Variants in SPOCK3 observed in about 807,000 individuals in gnomAD.
SPOCK3 encodes testican-3.
A neutral mutation model predicts 56.6 loss-of-function variants in SPOCK3; 30 were observed. The observed-to-expected ratio is 0.53, with a 90% CI of 0.40 to 0.72. The LOEUF is 0.72. SPOCK3 is among the 30% of genes least tolerant of loss of function. The probability of loss-of-function intolerance (pLI) is 0.00; values close to 1 mark genes in which losing one functional copy is unlikely to be tolerated. For missense variants in SPOCK3, 527 were observed against 530.0 expected, an observed-to-expected ratio of 0.99 and a Z score of 0.06; for synonymous variants, 196 against 183.3, an observed-to-expected ratio of 1.07 and a Z score of -0.56.
At chr4:166,923,204 T>C (rs1379311567) in intron 4 of SPOCK3, among the ~76,000 whole-genome samples, 1 of 152,184 alleles carries the variant, frequency 6.6e-6, no homozygotes, top group Non-Finnish European at 1.5e-5. Flanking sequence ...TTTCTCCTGT[T>C]TTTGTCTGTG....
intron 6 of SPOCK3, among the ~76,000 whole-genome samples, chr4:166,848,278 A>C (rs1748308798): frequency 6.6e-6 from 1 of 152,186 alleles, no homozygotes; most frequent in Non-Finnish European, 1.5e-5. Flanking sequence ...ACTTTTGTTG[A>C]CTAGAAAAGG....
chr4:167,227,946 T>C (rs1327979025), intron 2 of SPOCK3, among the ~76,000 whole-genome samples: 3 of 152,094 alleles, frequency 2.0e-5, no homozygotes, highest in African/African-American at 7.2e-5. Flanking sequence ...GCAAGCTGAC[T>C]AGCTGTAAGA....
At chr4:167,152,008 CAAT>C (rs762612880) in intron 2 of SPOCK3, among the ~76,000 whole-genome samples, 11 of 152,244 alleles carry the variant, frequency 7.2e-5, no homozygotes, top group South Asian at 2.1e-4. Flanking sequence ...GAAAACACAA[CAAT>C]GAGTCTCTGG....
chr4:166,746,811 G>A (rs1051280845), intron 8 of SPOCK3, among the ~76,000 whole-genome samples: 6 of 152,144 alleles, frequency 3.9e-5, no homozygotes, highest in South Asian at 2.1e-4. Context: ...TATCACCACC[G>A]ATCCCACAGA....
intron 6 of SPOCK3, among the ~76,000 whole-genome samples, chr4:166,817,155 G>A (rs1744459007): frequency 6.6e-6 from 1 of 152,072 alleles, no homozygotes; most frequent in South Asian, 2.1e-4. Flanking sequence ...ACAGGGCAAT[G>A]TGATAAGGGC....
intron 2 of SPOCK3, among the ~76,000 whole-genome samples, chr4:167,130,550 T>C (rs1485327): frequency 0.78 from 118,443 of 152,084 alleles, 46,224 homozygotes; most frequent in African/African-American, 0.82. Flanking sequence ...AAATAAAAAA[T>C]ACTATTTAAT....
Position 167,227,536 on chromosome 4 carries a change from A to C in SPOCK3, c.189+6449T>G, listed in dbSNP as rs79305442. On this transcript the variant is annotated intron_variant, in intron 2 of 10. Coordinates refer to ENST00000357545, the MANE Select transcript of SPOCK3 (RefSeq NM_001040159.2). ...GGTGAGTTGTAGGATCATGGAGAGG[A>C]AGGGAGACTACAATCTGTAGCTGTA... is the stretch of plus-strand genomic sequence containing the variant. Among the ~76,000 whole-genome samples the C allele has an allele frequency of 8.2e-4, 125 of 152,150 alleles. 3 individuals are homozygous for C. The East Asian group carries it at 0.023, about 28-fold the overall frequency.
intron 5 of SPOCK3, among the ~76,000 whole-genome samples, chr4:166,900,013 C>T (rs1424488326): frequency 6.6e-6 from 1 of 152,200 alleles, no homozygotes; most frequent in African/African-American, 2.4e-5. Context: ...ACTAAACCAA[C>T]AGACTGATTT....
chr4:166,830,759 T>C lies in SPOCK3; in HGVS notation c.590-38470A>G, dbSNP rs550547142. Among the ~76,000 whole-genome samples the C allele has an allele frequency of 9.2e-5, 14 of 152,072 alleles. No individual in the cohort carries two copies. The East Asian group carries it at 2.7e-3, about 30-fold the overall frequency. ...CTCCCCGCCCCGCTCGAAAAAAAGATCCGACAATCATATCTTCTCGGTATT... is the reference window on the plus strand; with the variant it reads ...CTCCCCGCCCCGCTCGAAAAAAAGACCCGACAATCATATCTTCTCGGTATT... On this transcript the variant is annotated intron_variant, in intron 6 of 10. Transcript: ENST00000357545.
intron 2 of SPOCK3, among the ~76,000 whole-genome samples, chr4:167,164,223 A>C (rs1235907819): frequency 6.6e-6 from 1 of 152,128 alleles, no homozygotes; most frequent in African/African-American, 2.4e-5. Flanking sequence ...TGTATCACTC[A>C]AAATAAGTAA....
At chr4:166,750,073 G>A (rs926517201) in intron 8 of SPOCK3, among the ~76,000 whole-genome samples, 10 of 152,090 alleles carry the variant, frequency 6.6e-5, no homozygotes, top group Non-Finnish European at 5.9e-5. Flanking sequence ...GCCTACCAGC[G>A]TTACAAGCTC....
At chr4:166,977,185 T>C (rs1746043606) in intron 4 of SPOCK3, among the ~76,000 whole-genome samples, 1 of 152,102 alleles carries the variant, frequency 6.6e-6, no homozygotes, top group African/African-American at 2.4e-5. Context: ...TTCTATTAAG[T>C]CTGTCTTTTT....
intron 4 of SPOCK3, among the ~76,000 whole-genome samples, chr4:166,956,524 A>G (rs116650154): frequency 1.6e-3 from 247 of 152,324 alleles, no homozygotes; most frequent in African/African-American, 5.8e-3. Flanking sequence ...CAGAGCAAGA[A>G]GGTATGAGAC....
At chr4:167,148,583 C>T (rs746854132) in intron 2 of SPOCK3, among the ~76,000 whole-genome samples, 14 of 152,114 alleles carry the variant, frequency 9.2e-5, no homozygotes, top group Non-Finnish European at 1.5e-5. Context: ...CATTCTCTAA[C>T]TACAGATTTC....
chr4:166,837,731 A>C (rs1746780857), intron 6 of SPOCK3, among the ~76,000 whole-genome samples: 2 of 152,150 alleles, frequency 1.3e-5, no homozygotes, highest in African/African-American at 2.4e-5. Flanking sequence ...AAGGAAAGTC[A>C]ATTTTATTGA....
chr4:166,737,806 C>A (rs907945528), intron 9 of SPOCK3, among the ~76,000 whole-genome samples: 9 of 152,146 alleles, frequency 5.9e-5, no homozygotes, highest in Admixed American at 1.3e-4. Context: ...GCCATTGCCA[C>A]AATGAACTGC....
chr4:166,850,685 G>A (rs146096716), intron 6 of SPOCK3, among the ~76,000 whole-genome samples: 6,966 of 152,294 alleles, frequency 0.046, 224 homozygotes, highest in Non-Finnish European at 0.061. Context: ...GTTCCCTTTC[G>A]TAGTCAAAGA....
intron 3 of SPOCK3, among the ~76,000 whole-genome samples, chr4:167,024,704 G>GT (rs1751532281): frequency 6.6e-6 from 1 of 152,032 alleles, no homozygotes; most frequent in African/African-American, 2.4e-5. Flanking sequence ...GGCGGGAAGG[G>GT]TGGGAGGTGG....
At chr4:167,171,067 C>T (rs1248629756) in intron 2 of SPOCK3, among the ~76,000 whole-genome samples, 1 of 152,068 alleles carries the variant, frequency 6.6e-6, no homozygotes, top group African/African-American at 2.4e-5. Context: ...TTTCGCCTTA[C>T]CTATATTAAG....
Sources: gnomAD v4.1 joint callset for allele counts (sites outside exome capture counted in the v4.1 genomes callset) on GRCh38, gnomAD v4.1.1 for gene constraint, MANE v1.5 for transcripts, NCBI Gene and HGNC (gene_info 2026-07-23, HGNC 2026-07-21) for gene names.